The following MDGA2 variants were observed in gnomAD, a reference collection of about 807,000 sequenced individuals.
MDGA2 encodes MAM domain containing glycosylphosphatidylinositol anchor 2, also known as MAM domain-containing glycosylphosphatidylinositol anchor protein 2.
In MDGA2, 40 loss-of-function variants were observed where a neutral mutation model predicts 117.8. The observed-to-expected ratio is 0.34, with a 90% CI of 0.26 to 0.44. The LOEUF is 0.44. MDGA2 is among the 20% of genes least tolerant of loss of function. The pLI is 1.00. For missense variants in MDGA2, 1,123 were observed against 1,250.6 expected (o/e 0.90, Z 1.54); for synonymous variants, 452 against 439.0 (o/e 1.03, Z -0.37).
At chr14:47,607,587 T>C (rs1479556757) in intron 1 of MDGA2, among the ~76,000 whole-genome samples, 1 of 152,066 alleles carries the variant, frequency 6.6e-6, no homozygotes, top group African/African-American at 2.4e-5. Flanking sequence ...GTTCATAACA[T>C]ACAAGTCAAT....
chr14:47,623,082 A>C (rs545738430), intron 1 of MDGA2, among the ~76,000 whole-genome samples: 2 of 152,186 alleles, frequency 1.3e-5, no homozygotes, highest in Non-Finnish European at 2.9e-5. Flanking sequence ...CTCTGCCTTC[A>C]TGAATGGATT....
intron 3 of MDGA2, among the ~76,000 whole-genome samples, chr14:47,198,850 CATT>C (rs1343413308): frequency 1.3e-5 from 2 of 152,094 alleles, no homozygotes; most frequent in African/African-American, 4.8e-5. Context: ...CCTAGTCAAA[CATT>C]AGTACTTGGA....
chr14:47,162,200 C>T (rs981075653), intron 3 of MDGA2, among the ~76,000 whole-genome samples: 1 of 152,056 alleles, frequency 6.6e-6, no homozygotes, highest in African/African-American at 2.4e-5. Flanking sequence ...ATGCCTCGGC[C>T]TCCCAAAGTG....
At chr14:47,627,645 T>G (rs1415066752) in intron 1 of MDGA2, among the ~76,000 whole-genome samples, 1 of 152,130 alleles carries the variant, frequency 6.6e-6, no homozygotes, top group Non-Finnish European at 1.5e-5. Context: ...CGGCTCTCTG[T>G]AAAATGGACC....
At chr14:47,529,450 A>G (rs936435106) in intron 1 of MDGA2, among the ~76,000 whole-genome samples, 2 of 152,164 alleles carry the variant, frequency 1.3e-5, no homozygotes, top group Non-Finnish European at 2.9e-5. Context: ...TAAATGAAGT[A>G]TCCCCCCCCT....
At chr14:47,383,973 A>G (rs183156177) in intron 1 of MDGA2, among the ~76,000 whole-genome samples, 3 of 95,822 alleles carry the variant, frequency 3.1e-5, no homozygotes, top group African/African-American at 1.2e-4. Flanking sequence ...TATAGAGTTA[A>G]ATAGATAGAT....
intron 1 of MDGA2, among the ~76,000 whole-genome samples, chr14:47,654,410 C>G (rs1278735006): frequency 2.6e-5 from 4 of 151,986 alleles, no homozygotes; most frequent in African/African-American, 9.7e-5. Context: ...TAAGTCCCAC[C>G]CAGGATTTTC....
chr14:47,075,680 C>A (rs996790218), intron 6 of MDGA2, among the ~76,000 whole-genome samples: 1 of 152,062 alleles, frequency 6.6e-6, no homozygotes, highest in Admixed American at 6.5e-5. Flanking sequence ...CATTTATACA[C>A]ATTTATATAA....
chr14:47,327,329 A>G (rs1235423260), intron 1 of MDGA2, among the ~76,000 whole-genome samples: 1 of 152,202 alleles, frequency 6.6e-6, no homozygotes, highest in African/African-American at 2.4e-5. Flanking sequence ...TGGAAGCACC[A>G]ATCGGAAACA....
intron 4 of MDGA2, among the ~76,000 whole-genome samples, chr14:47,133,904 C>T (rs1048980021): frequency 2.6e-5 from 4 of 151,912 alleles, no homozygotes; most frequent in African/African-American, 9.7e-5. Flanking sequence ...AACTAAAAAA[C>T]TCATGATTGT....
At chr14:47,674,473 G>A in intron 1 of MDGA2, 44 bp downstream of exon 1, 1 of 1,507,968 alleles carries the variant, frequency 6.6e-7, no homozygotes, top group South Asian at 1.2e-5. Flanking sequence ...AGCCTATCTT[G>A]CCTAAGAATC....
chr14:47,601,564 T>C (rs957683741), intron 1 of MDGA2, among the ~76,000 whole-genome samples: 1 of 152,206 alleles, frequency 6.6e-6, no homozygotes, highest in Non-Finnish European at 1.5e-5. Flanking sequence ...CATTTCCTTT[T>C]CCATTATTCA....
At chr14:47,059,346 A>G in intron 7 of MDGA2, 1 of 1,271,540 alleles carries the variant, frequency 7.9e-7, no homozygotes, top group Non-Finnish European at 1.0e-6. Flanking sequence ...TTTTGGAAGA[A>G]GTCAATATAT....
intron 8 of MDGA2, among the ~76,000 whole-genome samples, chr14:46,986,685 T>C (rs1189634553): frequency 6.6e-6 from 1 of 152,104 alleles, no homozygotes; most frequent in East Asian, 1.9e-4. Context: ...ACTAGCTGCT[T>C]AGCATGCTGT....
At chr14:47,173,944 T>C (rs1884308926) in intron 3 of MDGA2, among the ~76,000 whole-genome samples, 1 of 151,788 alleles carries the variant, frequency 6.6e-6, no homozygotes. Flanking sequence ...AATAAAAGGA[T>C]GGAGGAAGAT....
chr14:47,579,954 T>C (rs569108364), intron 1 of MDGA2, among the ~76,000 whole-genome samples: 2 of 152,228 alleles, frequency 1.3e-5, no homozygotes, highest in South Asian at 2.1e-4. Context: ...TGTATTTACA[T>C]CTAATTTACA....
rs150726735 is a variant in MDGA2 at position 47,259,052 on chromosome 14, C to A, written c.421-40857G>T. Among the ~76,000 whole-genome samples the A allele has an allele frequency of 9.2e-5, 14 of 152,066 alleles. No homozygotes were observed. In the East Asian group the frequency reaches 2.1e-3, roughly 23 times the overall value. ...TTTCAGAAGAATCTGATACTCAAAC[C>A]TAAAAGCTATTCACTGTTTTCTACA... On this transcript the variant is annotated intron_variant, in intron 2 of 16. Coordinates refer to ENST00000399232, the MANE Select transcript of MDGA2 (RefSeq NM_001113498.3).
At chr14:47,235,188 T>C (rs1886818377) in intron 2 of MDGA2, among the ~76,000 whole-genome samples, 1 of 152,186 alleles carries the variant, frequency 6.6e-6, no homozygotes, top group Non-Finnish European at 1.5e-5. Context: ...AAACAATTTT[T>C]GCATATCACA....
chr14:46,970,912 A>G (rs1025119246), intron 8 of MDGA2, among the ~76,000 whole-genome samples: 1 of 152,144 alleles, frequency 6.6e-6, no homozygotes, highest in South Asian at 2.1e-4. Context: ...AGACATAAAA[A>G]ATGGCCAACA....
Sources: allele counts gnomAD v4.1 joint callset (sites outside exome capture counted in the v4.1 genomes callset), GRCh38; gene constraint gnomAD v4.1.1; transcripts MANE v1.5; gene names NCBI Gene and HGNC (gene_info 2026-07-23, HGNC 2026-07-21).